SNX10: variants seen among roughly 807,000 people sequenced by gnomAD.
The protein encoded by SNX10 is sorting nexin-10.
In SNX10, 25 loss-of-function variants were observed where a neutral mutation model predicts 28.5. That is an observed-to-expected ratio of 0.88 (90% confidence interval 0.64 to 1.22). The LOEUF (loss-of-function observed/expected upper bound fraction) is 1.22. Among genes scored for constraint, SNX10 ranks in the 50% most tolerant of loss-of-function variants. The pLI is 0.00. For synonymous variants in SNX10, 62 were observed against 81.4 expected, an observed-to-expected ratio of 0.76 and a Z score of 1.28; for missense variants, 223 against 242.6, an observed-to-expected ratio of 0.92 and a Z score of 0.54.
chr7:26,366,243 C>T (rs1263314427), intron 5 of SNX10, among the ~76,000 whole-genome samples: 1 of 152,160 alleles, frequency 6.6e-6, no homozygotes, highest in African/African-American at 2.4e-5. Context: ...ATACTGCCTC[C>T]TCCCCATTTG....
intron 1 of SNX10, among the ~76,000 whole-genome samples, chr7:26,328,348 G>C (rs1258300542): frequency 6.6e-6 from 1 of 152,156 alleles, no homozygotes; most frequent in Non-Finnish European, 1.5e-5. Flanking sequence ...AATTGTCTAG[G>C]GTGTGGATGG....
intron 2 of SNX10, among the ~76,000 whole-genome samples, chr7:26,359,251 T>C (rs1175842117): frequency 6.6e-6 from 1 of 152,148 alleles, no homozygotes; most frequent in East Asian, 1.9e-4. Flanking sequence ...AGTGTTGCCC[T>C]AGAAGGTGAA....
At chr7:26,346,328 C>T in intron 1 of SNX10, 92 bp from the exon 2 acceptor site, 1 of 805,402 alleles carries the variant, frequency 1.2e-6, no homozygotes. Flanking sequence ...GGGGGGGGCT[C>T]TGTCAGGGGA....
intron 2 of SNX10, among the ~76,000 whole-genome samples, chr7:26,349,229 T>G (rs890282004): frequency 6.6e-6 from 1 of 152,220 alleles, no homozygotes; most frequent in South Asian, 2.1e-4. Context: ...TAATTAATCA[T>G]GAGGTTGGCA....
intron 5 of SNX10, among the ~76,000 whole-genome samples, chr7:26,369,746 A>C (rs1789435495): frequency 6.6e-6 from 1 of 152,176 alleles, no homozygotes; most frequent in African/African-American, 2.4e-5. Context: ...GAGCAGAAAA[A>C]GAAAACGCTG....
chr7:26,329,747 A>C (rs1787660869), intron 1 of SNX10, among the ~76,000 whole-genome samples: 1 of 152,230 alleles, frequency 6.6e-6, no homozygotes, highest in South Asian at 2.1e-4. Flanking sequence ...GATGCAAACT[A>C]GTAACCTGGT....
intron 2 of SNX10, among the ~76,000 whole-genome samples, chr7:26,360,074 T>A (rs1043534471): frequency 1.3e-5 from 2 of 152,238 alleles, no homozygotes; most frequent in African/African-American, 4.8e-5. Context: ...AAAGGTATTA[T>A]GAAGATGAAA....
intron 3 of SNX10, among the ~76,000 whole-genome samples, chr7:26,361,599 A>G (rs750207603): frequency 6.6e-6 from 1 of 152,204 alleles, no homozygotes; most frequent in Admixed American, 6.5e-5. Flanking sequence ...CTGTATCACA[A>G]TCTCTTGAAA....
intron 1 of SNX10, among the ~76,000 whole-genome samples, chr7:26,304,193 G>A (rs911620914): frequency 1.1e-4 from 16 of 152,120 alleles, no homozygotes; most frequent in Non-Finnish European, 1.3e-4. Context: ...CCCCAGCACC[G>A]TCTCCTCCAG....
rs1789560575 is a variant in SNX10 at position 26,371,924 on chromosome 7, A to G, written c.415A>G (p.Lys139Glu). The G allele has an allele frequency of 1.9e-6, 3 of 1,613,638 alleles. No homozygotes were observed. Among genetic ancestry groups the G allele is most frequent in the Non-Finnish European group, 2.5e-6 (3 of 1,179,580 alleles). ...DIEACVSGQT[K>E]YSVEEAIHKF... ...TGAGGCGTGTGTTTCTGGGCAGACT[A>G]AGTACTCTGTGGAAGAAGCAATTCA... is the stretch of plus-strand genomic sequence containing the variant. The change falls in exon 6 of 7, where the codon AAG becomes GAG. Residue 139 changes from lysine to glutamate, a missense_variant. Lys to Glu is a moderately conservative substitution (Grantham distance 56). Coordinates refer to ENST00000338523, the MANE Select transcript of SNX10 (RefSeq NM_013322.3).
rs35527687 is a variant in SNX10 at position 26,358,805 on chromosome 7, G to GTTTTTTTTTTTTTTTTTTT, written c.25-2169_25-2151dup. On this transcript the variant is annotated intron_variant, in intron 2 of 6. Transcript: ENST00000338523. ...GAGCATCACTATAGTGTTATCTTGT[G>GTTTTTTTTTTTTTTTTTTT]TTTTTTTTTTTTTTTTTTTGACCAA... Among the ~76,000 whole-genome samples the GTTTTTTTTTTTTTTTTTTT allele has an allele frequency of 6.1e-4, 61 of 100,090 alleles. 6 individuals are homozygous for GTTTTTTTTTTTTTTTTTTT. Among genetic ancestry groups the GTTTTTTTTTTTTTTTTTTT allele is most frequent in the African/African-American group, 2.4e-3 (54 of 22,676 alleles). 65.7% of individuals were successfully genotyped at this position (100,090 alleles called of 152,430 possible).
At chr7:26,312,811 C>T (rs564485558) in intron 1 of SNX10, among the ~76,000 whole-genome samples, 20 of 152,058 alleles carry the variant, frequency 1.3e-4, no homozygotes, top group African/African-American at 4.8e-4. Flanking sequence ...GGCACCTAAA[C>T]ACATGAAAAA....
chr7:26,299,393 A>G (rs1350733127), intron 1 of SNX10, among the ~76,000 whole-genome samples: 1 of 151,998 alleles, frequency 6.6e-6, no homozygotes, highest in African/African-American at 2.4e-5. Context: ...ACGGGGTTTC[A>G]CCATGTTGGT....
chr7:26,333,766 G>C (rs935738657), intron 1 of SNX10, among the ~76,000 whole-genome samples: 3 of 152,198 alleles, frequency 2.0e-5, no homozygotes, highest in Non-Finnish European at 4.4e-5. Flanking sequence ...GGCATTTTCT[G>C]CTGTTCTTCA....
intron 2 of SNX10, 82 bp from the exon 3 acceptor site, chr7:26,360,893 T>G: frequency 6.4e-7 from 1 of 1,574,128 alleles, no homozygotes; most frequent in South Asian, 1.2e-5. Context: ...CAGTTTTGTT[T>G]TAGTGCAGTC....
chr7:26,345,716 C>G (rs560083599), intron 1 of SNX10, among the ~76,000 whole-genome samples: 1 of 152,258 alleles, frequency 6.6e-6, no homozygotes, highest in East Asian at 1.9e-4. Context: ...TCATAGTCAC[C>G]CTCAGTTGTA....
intron 1 of SNX10, among the ~76,000 whole-genome samples, chr7:26,345,500 TC>T (rs1788347708): frequency 6.6e-6 from 1 of 152,202 alleles, no homozygotes; most frequent in African/African-American, 2.4e-5. Context: ...GCTTGCCCCT[TC>T]CAGAGGCCCT....
chr7:26,340,818 G>A (rs906832133), intron 1 of SNX10, among the ~76,000 whole-genome samples: 3 of 152,200 alleles, frequency 2.0e-5, no homozygotes, highest in African/African-American at 7.2e-5. Flanking sequence ...CTAGGCTGGA[G>A]TGTAGTGGTG....
intron 1 of SNX10, among the ~76,000 whole-genome samples, chr7:26,307,502 T>C (rs1347467340): frequency 1.3e-5 from 2 of 152,094 alleles, no homozygotes; most frequent in African/African-American, 4.8e-5. Context: ...GACTGGAGTG[T>C]AGTGGCACGA....
Sources: allele counts gnomAD v4.1 joint callset (sites outside exome capture counted in the v4.1 genomes callset), GRCh38; gene constraint gnomAD v4.1.1; transcripts MANE v1.5; gene names NCBI Gene and HGNC (gene_info 2026-07-23, HGNC 2026-07-21).